The following CPSF3 variants were observed in gnomAD, a reference collection of about 807,000 sequenced individuals.
The protein encoded by CPSF3 is cleavage and polyadenylation specific factor 3, also known as cleavage and polyadenylation specificity factor subunit 3.
A neutral mutation model predicts 84.1 loss-of-function variants in CPSF3; 57 were observed. The observed-to-expected ratio is 0.68, with a 90% confidence interval of 0.55 to 0.85. The LOEUF (loss-of-function observed/expected upper bound fraction) is 0.85, where lower values mean the gene tolerates loss of function less well. Among genes scored for constraint, CPSF3 ranks in the 40% least tolerant of loss-of-function variants. The pLI is 0.00. For synonymous variants in CPSF3, 275 were observed against 278.1 expected (o/e 0.99, Z 0.11); for missense variants, 522 against 838.8 (o/e 0.62, Z 4.66).
At chr2:9,445,107 A>G (rs937358259) in intron 10 of CPSF3, among the ~76,000 whole-genome samples, 11 of 152,194 alleles carry the variant, frequency 7.2e-5, no homozygotes, top group Non-Finnish European at 1.6e-4. Context: ...GTCTATTTTC[A>G]CAGCTTTTCA....
Position 9,459,635 on chromosome 2 carries a change from A to G in CPSF3, c.1786+17A>G. The G allele has an allele frequency of 3.0e-6, 1 of 333,510 alleles. No homozygotes were observed. The highest frequency in any genetic ancestry group is 6.9e-5 in the East Asian group (1 of 14,492). 20.7% of individuals were successfully genotyped at this position (333,510 alleles called of 1,614,324 possible). On this transcript the variant is annotated intron_variant, in intron 15 of 17. Transcript: ENST00000238112. ...TAAGAAAAGGTAAGAGTTCATTTTTATCCTTTTTTTTTTTTTTTTTTTTTT... is the reference window on the plus strand; with the variant it reads ...TAAGAAAAGGTAAGAGTTCATTTTTGTCCTTTTTTTTTTTTTTTTTTTTTT...
At chr2:9,438,056 A>G (rs1376129434) in intron 7 of CPSF3, among the ~76,000 whole-genome samples, 1 of 152,274 alleles carries the variant, frequency 6.6e-6, no homozygotes, top group Non-Finnish European at 1.5e-5. Flanking sequence ...CTCTGTGCGA[A>G]GCACTAGAAA....
In CPSF3 at chr2:9,466,333, CGCA is replaced by C. The variant is rs541298509; in HGVS notation, c.1787-1373_1787-1371del. ...ACACTGACGCACGCACACAGACGCA[CGCA>C]CACACGCGCGCGCGCGCACACACAC... On this transcript the variant is annotated intron_variant, in intron 15 of 17. Coordinates refer to ENST00000238112, the MANE Select transcript of CPSF3 (RefSeq NM_016207.4). Among the ~76,000 whole-genome samples the C allele has an allele frequency of 7.4e-3, 965 of 130,036 alleles. 6 individuals carry two copies. Among genetic ancestry groups the C allele is most frequent in the Middle Eastern group, 0.016 (4 of 254 alleles). 85.3% of individuals were successfully genotyped at this position (130,036 alleles called of 152,430 possible).
intron 16 of CPSF3, among the ~76,000 whole-genome samples, chr2:9,470,588 G>C (rs1682131524): frequency 6.6e-6 from 1 of 152,226 alleles, no homozygotes. Context: ...GAAGGAATCT[G>C]CCACACAGAA....
rs185333357 is a variant in CPSF3 at position 9,436,973 on chromosome 2, G to C, written c.760+612G>C. Among the ~76,000 whole-genome samples the C allele has an allele frequency of 4.9e-3, 743 of 152,010 alleles. 1 individual carries two copies. Among genetic ancestry groups the C allele is most frequent in the Non-Finnish European group, 7.0e-3 (479 of 67,970 alleles). On this transcript the variant is annotated intron_variant, in intron 7 of 17. Coordinates refer to ENST00000238112, the MANE Select transcript of CPSF3 (RefSeq NM_016207.4). ...ATGTACAGAAAATTTTGTCAGGAAAGGTATTCATCATTTTAGTATTTTCAA... is the reference window on the plus strand; with the variant it reads ...ATGTACAGAAAATTTTGTCAGGAAACGTATTCATCATTTTAGTATTTTCAA...
At chr2:9,428,198 G>A (rs6432001) in intron 1 of CPSF3, among the ~76,000 whole-genome samples, 12,483 of 149,538 alleles carry the variant, frequency 0.083, 2,223 homozygotes, top group African/African-American at 0.3. Context: ...GGGTTTCACC[G>A]TGTTAGCCAG....
At chr2:9,453,537 C>T (rs1228923751) in intron 12 of CPSF3, among the ~76,000 whole-genome samples, 1 of 152,128 alleles carries the variant, frequency 6.6e-6, no homozygotes, top group African/African-American at 2.4e-5. Context: ...AAATAAGTAA[C>T]ACCAACTATA....
intron 12 of CPSF3, 110 bp downstream of exon 12, chr2:9,453,131 A>T: frequency 1.6e-6 from 1 of 631,654 alleles, no homozygotes; most frequent in Non-Finnish European, 2.6e-6. Context: ...ACAAATAATA[A>T]AAAAGGAATG....
At chr2:9,466,272 A>G (rs1558466217) in intron 15 of CPSF3, among the ~76,000 whole-genome samples, 1 of 43,574 alleles carries the variant, frequency 2.3e-5, no homozygotes, top group African/African-American at 6.8e-5. Context: ...ACAAAGACGC[A>G]CGCACACACG....
rs1680970274 is a variant in CPSF3 at position 9,441,958 on chromosome 2, A to G, written c.1077A>G (p.Val359=). The G allele has an allele frequency of 1.1e-5, 17 of 1,614,246 alleles. No individual in the cohort carries two copies. Among genetic ancestry groups the G allele is most frequent in the East Asian group, 2.2e-5 (1 of 44,886 alleles). Residue 359 remains valine, a synonymous_variant, in exon 9 of 18, where the codon GTA becomes GTG. Coordinates refer to ENST00000238112, the MANE Select transcript of CPSF3 (RefSeq NM_016207.4). ...RNGVIIAGYC[V]EGTLAKHIMS... is the part of the protein sequence containing the mutation. ...GTGTCATTATAGCGGGATACTGTGT[A>G]GAAGGGACACTTGCCAAGGTCAGTT...
At chr2:9,443,937 A>G (rs1471123229) in intron 10 of CPSF3, among the ~76,000 whole-genome samples, 1 of 152,060 alleles carries the variant, frequency 6.6e-6, no homozygotes, top group African/African-American at 2.4e-5. Context: ...TTTAAGAGCC[A>G]GGCTTGGAGT....
At position 9,432,609 on chromosome 2, in the gene CPSF3, C is replaced by T. The variant is rs1449023124; in HGVS notation, c.440C>T (p.Ala147Val). The change falls in exon 5 of 18, where the codon GCG becomes GTG. Residue 147 changes from alanine to valine, a missense_variant. This residue lies in a region of CPSF3 where 329 missense variants were observed against 607.2 expected (regional missense o/e 0.54). Transcript: ENST00000238112. ...TINFHEVKEV[A>V]GIKFWCYHAG... ...AACTTTCATGAAGTTAAGGAAGTTG[C>T]GGGAATCAAGTTTTGGTGTTACCAT... 6 of 1,590,650 alleles carry T rather than the reference C, an allele frequency of 3.8e-6. No individual in the cohort carries two copies. In the Admixed American group the frequency reaches 5.0e-5, roughly 13 times the overall value.
At chr2:9,449,227 A>G (rs1294149457) in intron 11 of CPSF3, among the ~76,000 whole-genome samples, 1 of 152,018 alleles carries the variant, frequency 6.6e-6, no homozygotes, top group Non-Finnish European at 1.5e-5. Context: ...AAAAATAAAA[A>G]TAAAATAAAA....
chr2:9,466,182 A>ACACACACGCGCTCACACACACACGCG (rs1257871034), intron 15 of CPSF3, among the ~76,000 whole-genome samples: 1 of 43,716 alleles, frequency 2.3e-5, no homozygotes, highest in African/African-American at 6.0e-5. Context: ...CTCTACACGC[A>ACACACACGCGCTCACACACACACGCG]CACACACACG....
In CPSF3 at chr2:9,428,817, A is replaced by C. The variant is rs751140543; in HGVS notation, c.103A>C (p.Arg35=). Residue 35 remains arginine, a synonymous_variant, in exon 2 of 18, where the codon AGA becomes CGA. Coordinates refer to ENST00000238112, the MANE Select transcript of CPSF3 (RefSeq NM_016207.4). ...RSCIILEFKG[R]KIMLDCGIHP... ...ATGTATTATTCTCGAGTTCAAAGGAAGAAAAATAATGGTAATTACTATTTT... is the reference window on the plus strand; with the variant it reads ...ATGTATTATTCTCGAGTTCAAAGGACGAAAAATAATGGTAATTACTATTTT... The C allele has an allele frequency of 6.3e-7, 1 of 1,586,958 alleles. No individual in the cohort carries two copies. Among genetic ancestry groups the C allele is most frequent in the East Asian group, 2.2e-5 (1 of 44,702 alleles).
At chr2:9,458,929 A>G (rs1245351424) in intron 14 of CPSF3, among the ~76,000 whole-genome samples, 1 of 152,102 alleles carries the variant, frequency 6.6e-6, no homozygotes, top group African/African-American at 2.4e-5. Context: ...GCTGACCAAC[A>G]TGGAGAAACC....
chr2:9,451,441 T>C (rs1209686105), intron 11 of CPSF3, among the ~76,000 whole-genome samples: 2 of 152,146 alleles, frequency 1.3e-5, no homozygotes, highest in African/African-American at 4.8e-5. Flanking sequence ...AGCTCATTTA[T>C]TTGCAGTTGA....
At chr2:9,466,327 G>C (rs56133579) in intron 15 of CPSF3, among the ~76,000 whole-genome samples, 41,323 of 115,134 alleles carry the variant, frequency 0.36, 6,426 homozygotes, top group Middle Eastern at 0.49. Context: ...CACGCACACA[G>C]ACGCACGCAC....
At chr2:9,432,232 G>C (rs1680615103) in intron 4 of CPSF3, among the ~76,000 whole-genome samples, 1 of 151,990 alleles carries the variant, frequency 6.6e-6, no homozygotes, top group African/African-American at 2.4e-5. Context: ...AGAGTATTTT[G>C]TCTTAATTTA....
Sources: allele counts gnomAD v4.1 joint callset (sites outside exome capture counted in the v4.1 genomes callset), GRCh38; gene constraint gnomAD v4.1.1; regional missense constraint gnomAD v4.1.1; transcripts MANE v1.5; gene names NCBI Gene and HGNC (gene_info 2026-07-23, HGNC 2026-07-21).